CNTNAP2: variants seen among roughly 807,000 people sequenced by gnomAD.
CNTNAP2 encodes contactin-associated protein-like 2.
In CNTNAP2, 98 loss-of-function variants were observed where a neutral mutation model predicts 155.2. The ratio of observed to expected loss-of-function variants is 0.63; its 90% CI spans 0.54 to 0.75. The LOEUF (loss-of-function observed/expected upper bound fraction) is 0.75. CNTNAP2 is among the 30% of genes least tolerant of loss of function. The probability of loss-of-function intolerance (pLI) is 0.00; values close to 1 mark genes in which losing one functional copy is unlikely to be tolerated. For missense variants in CNTNAP2, 1,727 were observed against 1,688.1 expected (o/e 1.02, Z -0.40); for synonymous variants, 651 against 631.2 (o/e 1.03, Z -0.47).
intron 15 of CNTNAP2, among the ~76,000 whole-genome samples, chr7:147,989,911 C>T (rs1013713910): frequency 6.6e-5 from 10 of 152,194 alleles, no homozygotes; most frequent in African/African-American, 1.4e-4. Context: ...CAATGCACAA[C>T]TCAATTCTGA....
intron 15 of CNTNAP2, among the ~76,000 whole-genome samples, chr7:148,024,516 C>T (rs148474631): frequency 1.6e-3 from 244 of 152,304 alleles, no homozygotes; most frequent in Non-Finnish European, 2.8e-3. Flanking sequence ...TGATACTTTA[C>T]TCTAGGAAAC....
At chr7:147,113,658 C>A (rs78734550) in intron 5 of CNTNAP2, among the ~76,000 whole-genome samples, 1 of 152,120 alleles carries the variant, frequency 6.6e-6, no homozygotes, top group African/African-American at 2.4e-5. Flanking sequence ...GGGGAACCAC[C>A]CCCATGACGT....
intron 1 of CNTNAP2, among the ~76,000 whole-genome samples, chr7:146,750,123 A>T (rs1801877822): frequency 6.6e-6 from 1 of 152,164 alleles, no homozygotes; most frequent in Non-Finnish European, 1.5e-5. Flanking sequence ...CAACATCTGA[A>T]CAATCAAATC....
At chr7:148,068,665 T>G (rs1213417666) in intron 15 of CNTNAP2, among the ~76,000 whole-genome samples, 1 of 152,216 alleles carries the variant, frequency 6.6e-6, no homozygotes, top group Non-Finnish European at 1.5e-5. Context: ...AGCCCTTTTC[T>G]AGGGCTGATT....
At chr7:148,188,454 C>G (rs924197344) in intron 18 of CNTNAP2, among the ~76,000 whole-genome samples, 1 of 152,122 alleles carries the variant, frequency 6.6e-6, no homozygotes, top group Non-Finnish European at 1.5e-5. Context: ...AAGATGACTT[C>G]CATGAAAACA....
At chr7:147,296,772 GT>G (rs1232695144) in intron 8 of CNTNAP2, among the ~76,000 whole-genome samples, 1 of 152,092 alleles carries the variant, frequency 6.6e-6, no homozygotes, top group Non-Finnish European at 1.5e-5. Flanking sequence ...ACAAGTTGGG[GT>G]GGAAAGCCAC....
intron 11 of CNTNAP2, among the ~76,000 whole-genome samples, chr7:147,522,168 C>T (rs756160003): frequency 8.5e-5 from 13 of 152,162 alleles, no homozygotes; most frequent in Non-Finnish European, 1.9e-4. Flanking sequence ...GAGGGCTCTG[C>T]CCTCATGGCC....
intron 13 of CNTNAP2, among the ~76,000 whole-genome samples, chr7:147,778,562 G>A (rs1271795224): frequency 6.6e-6 from 1 of 152,216 alleles, no homozygotes; most frequent in Non-Finnish European, 1.5e-5. Context: ...GCCAGAGGTA[G>A]CACCTGTAGT....
chr7:146,699,064 G>C (rs538285673), intron 1 of CNTNAP2, among the ~76,000 whole-genome samples: 1 of 152,010 alleles, frequency 6.6e-6, no homozygotes, highest in Admixed American at 6.6e-5. Flanking sequence ...ATATACTCAT[G>C]ATAGTTATTT....
intron 8 of CNTNAP2, among the ~76,000 whole-genome samples, chr7:147,194,931 C>A (rs929929685): frequency 2.0e-5 from 3 of 152,128 alleles, no homozygotes; most frequent in Non-Finnish European, 4.4e-5. Flanking sequence ...TTAATCAGAT[C>A]CCATTTGTCA....
intron 13 of CNTNAP2, among the ~76,000 whole-genome samples, chr7:147,838,934 A>T (rs902066480): frequency 2.9e-4 from 44 of 152,256 alleles, no homozygotes; most frequent in African/African-American, 9.4e-4. Context: ...TAGGATAGAC[A>T]TATATATAAA....
intron 10 of CNTNAP2, among the ~76,000 whole-genome samples, chr7:147,471,962 T>C (rs1317029516): frequency 6.6e-6 from 1 of 152,078 alleles, no homozygotes; most frequent in Non-Finnish European, 1.5e-5. Flanking sequence ...TACAGATCTT[T>C]TTGTAAAGAT....
chr7:146,417,016 A>G (rs1795947090), intron 1 of CNTNAP2, among the ~76,000 whole-genome samples: 1 of 152,136 alleles, frequency 6.6e-6, no homozygotes, highest in Non-Finnish European at 1.5e-5. Flanking sequence ...CTTGGATTGT[A>G]TCCTAAAATA....
chr7:146,858,149 G>A (rs148932964), intron 3 of CNTNAP2, among the ~76,000 whole-genome samples: 206 of 152,282 alleles, frequency 1.4e-3, no homozygotes, highest in African/African-American at 4.4e-3. Context: ...TAAGATCTAC[G>A]GTGGCAACTC....
chr7:146,930,689 C>T (rs1796730894), intron 3 of CNTNAP2, among the ~76,000 whole-genome samples: 1 of 152,018 alleles, frequency 6.6e-6, no homozygotes. Flanking sequence ...TTCAGGAAAC[C>T]CATCTCACAT....
intron 1 of CNTNAP2, among the ~76,000 whole-genome samples, chr7:146,712,956 C>T (rs1160562581): frequency 6.6e-6 from 1 of 151,792 alleles, no homozygotes; most frequent in Non-Finnish European, 1.5e-5. Flanking sequence ...TTGATTTCTT[C>T]ACGCTGACCT....
chr7:147,533,863 T>C (rs902435985), intron 11 of CNTNAP2, among the ~76,000 whole-genome samples: 1 of 152,228 alleles, frequency 6.6e-6, no homozygotes, highest in Non-Finnish European at 1.5e-5. Context: ...ATTAAGCATG[T>C]AATAAATGTG....
chr7:146,529,900 G>A (rs1040646391), intron 1 of CNTNAP2, among the ~76,000 whole-genome samples: 1 of 152,062 alleles, frequency 6.6e-6, no homozygotes, highest in African/African-American at 2.4e-5. Flanking sequence ...AGGAGGCAGA[G>A]GTTGCAGTGA....
chr7:148,351,744 C>CAAGAAAAAAAAAAAA (rs1798430262), intron 21 of CNTNAP2, among the ~76,000 whole-genome samples: 1 of 85,396 alleles, frequency 1.2e-5, no homozygotes. Flanking sequence ...CTCTGTCTCA[C>CAAGAAAAAAAAAAAA]AAAAAAAAAA....
Sources: gnomAD v4.1 joint callset for allele counts (sites outside exome capture counted in the v4.1 genomes callset) on GRCh38, gnomAD v4.1.1 for gene constraint, MANE v1.5 for transcripts, NCBI Gene and HGNC (gene_info 2026-07-23, HGNC 2026-07-21) for gene names.